SAMMSON: variants seen among roughly 807,000 people sequenced by gnomAD.
The protein encoded by SAMMSON is survival associated mitochondrial melanoma specific oncogenic non-coding RNA.
chr3:70,114,672 G>C (rs79837618), intron 4 of SAMMSON, among the ~76,000 whole-genome samples: 2,372 of 152,270 alleles, frequency 0.016, 24 homozygotes, highest in South Asian at 0.034. Context: ...TGGAATTTTT[G>C]AGAAATGAAG....
At chr3:70,311,786 A>T in intron 7 of SAMMSON, 1 of 392,698 alleles carries the variant, frequency 2.5e-6, no homozygotes, top group African/African-American at 2.1e-5. Context: ...CTACTATTTG[A>T]ACGGTCAGGA....
chr3:70,173,741 T>C (rs533248808), intron 4 of SAMMSON, among the ~76,000 whole-genome samples: 1 of 152,122 alleles, frequency 6.6e-6, no homozygotes, highest in East Asian at 1.9e-4. Flanking sequence ...ATTTGCCAGG[T>C]AAAAATCATA....
intron 9 of SAMMSON, among the ~76,000 whole-genome samples, chr3:70,375,881 A>G (rs933379471): frequency 1.3e-5 from 2 of 152,018 alleles, no homozygotes; most frequent in South Asian, 4.2e-4. Context: ...TATCTTCCCA[A>G]TCTAAACTGT....
chr3:70,353,455 G>T (rs1702808500), intron 7 of SAMMSON, among the ~76,000 whole-genome samples: 1 of 152,012 alleles, frequency 6.6e-6, no homozygotes, highest in Admixed American at 6.6e-5. Flanking sequence ...TGTACAGATG[G>T]CAAATTATCA....
intron 4 of SAMMSON, among the ~76,000 whole-genome samples, chr3:70,245,357 A>T (rs1428701355): frequency 6.6e-6 from 1 of 152,026 alleles, no homozygotes; most frequent in African/African-American, 2.4e-5. Context: ...TTAACAAAAT[A>T]TTAGAATATT....
intron 3 of SAMMSON, among the ~76,000 whole-genome samples, chr3:70,036,459 T>C (rs1465138783): frequency 6.6e-6 from 1 of 152,162 alleles, no homozygotes; most frequent in Non-Finnish European, 1.5e-5. Context: ...ATTAGCTCAA[T>C]CATAAGTATG....
intron 4 of SAMMSON, among the ~76,000 whole-genome samples, chr3:70,234,662 G>A (rs905255734): frequency 2.0e-5 from 3 of 151,572 alleles, no homozygotes; most frequent in African/African-American, 4.8e-5. Context: ...AAAAGTTTCT[G>A]GTGCTTAATA....
chr3:70,022,046 T>C (rs766160953), intron 3 of SAMMSON, among the ~76,000 whole-genome samples: 1 of 152,112 alleles, frequency 6.6e-6, no homozygotes, highest in Non-Finnish European at 1.5e-5. Context: ...TGCTGAGTAT[T>C]AGTAGTGCTT....
At chr3:70,169,125 G>A (rs77824144) in intron 4 of SAMMSON, among the ~76,000 whole-genome samples, 4,699 of 152,070 alleles carry the variant, frequency 0.031, 160 homozygotes, top group East Asian at 0.18. Flanking sequence ...GCACACATGT[G>A]TTTAATGTCA....
chr3:70,135,404 A>G (rs944124337), intron 4 of SAMMSON, among the ~76,000 whole-genome samples: 10 of 152,186 alleles, frequency 6.6e-5, no homozygotes, highest in African/African-American at 2.2e-4. Flanking sequence ...AGCCTCAGGA[A>G]TAAACATTAG....
intron 4 of SAMMSON, among the ~76,000 whole-genome samples, chr3:70,121,136 T>A (rs1221901127): frequency 6.6e-6 from 1 of 152,184 alleles, no homozygotes; most frequent in Non-Finnish European, 1.5e-5. Flanking sequence ...TTCGCGCTCC[T>A]ATAAGAATCT....
intron 4 of SAMMSON, chr3:70,205,724 T>C (rs1701283685): frequency 6.6e-6 from 1 of 152,144 alleles, no homozygotes; most frequent in South Asian, 2.1e-4. Context: ...ATTCAAAGTT[T>C]ATTTAATCTT....
intron 3 of SAMMSON, among the ~76,000 whole-genome samples, chr3:70,043,133 T>C (rs2067111870): frequency 6.6e-6 from 1 of 152,108 alleles, no homozygotes; most frequent in Non-Finnish European, 1.5e-5. Context: ...TGATCATATA[T>C]GTGTTACAAG....
intron 3 of SAMMSON, among the ~76,000 whole-genome samples, chr3:70,062,053 T>A (rs1288037851): frequency 6.6e-6 from 1 of 152,084 alleles, no homozygotes; most frequent in Non-Finnish European, 1.5e-5. Flanking sequence ...CCCTCCACAG[T>A]GATCATCCAG....
chr3:70,423,819 TCTAAGACTG>T, intron 2 of SAMMSON, among the ~76,000 whole-genome samples: 1 of 152,128 alleles, frequency 6.6e-6, no homozygotes, highest in African/African-American at 2.4e-5. Context: ...ATACAGAAAC[TCTAAGACTG>T]ATTTGTGTCA....
chr3:70,414,097 T>G (rs2106770314), intron 2 of SAMMSON, among the ~76,000 whole-genome samples: 1 of 152,218 alleles, frequency 6.6e-6, no homozygotes, highest in East Asian at 1.9e-4. Flanking sequence ...ATAACTTGGT[T>G]CTATTGAGAG....
chr3:70,023,664 G>C (rs1000197447), intron 3 of SAMMSON, among the ~76,000 whole-genome samples: 2 of 152,118 alleles, frequency 1.3e-5, no homozygotes, highest in Admixed American at 1.3e-4. Flanking sequence ...CCTTGATTCA[G>C]TAATTATCGG....
In SAMMSON at chr3:70,099,452, C is replaced by T. The variant is rs115150043; in HGVS notation, n.507+27887C>T. ...GTTTTGACTTCCATTTTTCCCATTC[C>T]TACCACAGCTAAATATCTTCTAAAA... On this transcript the variant is annotated intron_variant and non_coding_transcript_variant, in intron 4 of 9. Coordinates refer to ENST00000642114, the Ensembl canonical transcript of SAMMSON. Among the ~76,000 whole-genome samples, 987 of 152,194 alleles carry T rather than the reference C, an allele frequency of 6.5e-3. 6 individuals carry two copies. Among genetic ancestry groups the T allele is most frequent in the African/African-American group, 0.021 (862 of 41,548 alleles).
intron 1 of SAMMSON, among the ~76,000 whole-genome samples, chr3:70,004,137 T>G (rs994041526): frequency 6.6e-6 from 1 of 152,162 alleles, no homozygotes; most frequent in African/African-American, 2.4e-5. Flanking sequence ...CAGGTGTTCA[T>G]GCACACACAC....
Sources: gnomAD v4.1 joint callset for allele counts (sites outside exome capture counted in the v4.1 genomes callset) on GRCh38, gnomAD v4.1.1 for gene constraint, MANE v1.5 for transcripts, NCBI Gene and HGNC (gene_info 2026-07-23, HGNC 2026-07-21) for gene names.